CTNNA3: variants seen among roughly 807,000 people sequenced by gnomAD.
The protein encoded by CTNNA3 is catenin alpha-3.
A neutral mutation model predicts 95.7 loss-of-function variants in CTNNA3; 76 were observed. That is an observed-to-expected ratio of 0.79 (90% confidence interval 0.66 to 0.96). The LOEUF (loss-of-function observed/expected upper bound fraction) is 0.96. CTNNA3 is among the 40% of genes least tolerant of loss of function. The pLI is 0.00. For synonymous variants in CTNNA3, 431 were observed against 374.4 expected, an observed-to-expected ratio of 1.15 and a Z score of -1.74; for missense variants, 1,191 against 1,089.8, an observed-to-expected ratio of 1.09 and a Z score of -1.31.
intron 9 of CTNNA3, among the ~76,000 whole-genome samples, chr10:66,705,501 T>C (rs754420839): frequency 5.3e-5 from 8 of 152,042 alleles, no homozygotes; most frequent in Non-Finnish European, 1.0e-4. Context: ...TCAAATTTTC[T>C]TTGTGGGAAG....
intron 7 of CTNNA3, chr10:66,926,146 G>A: frequency 2.2e-6 from 1 of 460,384 alleles, no homozygotes; most frequent in Non-Finnish European, 4.4e-6. Flanking sequence ...GGCTGAACTG[G>A]GTGCTCATCA....
In CTNNA3 at chr10:66,336,037, G is replaced by A. The variant is rs745570041; in HGVS notation, c.1732+43115C>T. ...TTGTAGGACCCTCCAAGACAGGTGC[G>A]GGATATAATCTCCTGGTGTGCTATT... On this transcript the variant is annotated intron_variant, in intron 12 of 17. Coordinates refer to ENST00000433211, the MANE Select transcript of CTNNA3 (RefSeq NM_013266.4). Among the ~76,000 whole-genome samples the A allele has an allele frequency of 4.0e-5, 6 of 151,366 alleles. 1 individual carries two copies. Among genetic ancestry groups the A allele is most frequent in the East Asian group, 2.0e-4 (1 of 5,126 alleles).
chr10:66,445,795 C>T (rs1014624911), intron 11 of CTNNA3, among the ~76,000 whole-genome samples: 1 of 151,904 alleles, frequency 6.6e-6, no homozygotes, highest in Non-Finnish European at 1.5e-5. Context: ...CATTCAAAAG[C>T]TAGCAGAAGG....
chr10:66,904,294 T>C (rs1359048274), intron 7 of CTNNA3, among the ~76,000 whole-genome samples: 2 of 152,292 alleles, frequency 1.3e-5, no homozygotes, highest in East Asian at 3.9e-4. Context: ...TTAATGGTGC[T>C]GGGAAAACTG....
chr10:67,180,475 G>C lies in CTNNA3; in HGVS notation c.889C>G (p.Arg297Gly). ...TCAAGGCGTTTCTCTAGTGATGGTC[G>C]TATTTCCTCCTCAGTTACTGTGAGT... Reference protein sequence around the residue: ...NPLTVTEEEIRPSLEKRLEAI... With the variant: ...NPLTVTEEEIGPSLEKRLEAI... The change falls in exon 7 of 18, where the codon CGA becomes GGA. Residue 297 changes from arginine to glycine, a missense_variant. Arg to Gly is a moderately radical substitution (Grantham distance 125, BLOSUM62 -2). Transcript: ENST00000433211. 6.2e-7 allele frequency: 1 copy of C among 1,613,796 alleles called. No individual in the cohort carries two copies. Among genetic ancestry groups the C allele is most frequent in the Non-Finnish European group, 8.5e-7 (1 of 1,179,820 alleles).
At chr10:66,298,929 C>G (rs947115874) in intron 12 of CTNNA3, among the ~76,000 whole-genome samples, 1 of 152,162 alleles carries the variant, frequency 6.6e-6, no homozygotes, top group African/African-American at 2.4e-5. Context: ...TTGGGAACTG[C>G]TTAGGGCCAA....
chr10:66,926,153 ATC>A (rs1379882372), intron 7 of CTNNA3: 35 of 461,146 alleles, frequency 7.6e-5, no homozygotes, highest in African/African-American at 5.2e-4. Flanking sequence ...CTGGGTGCTC[ATC>A]ACGGGAACTG....
chr10:67,579,017 A>G (rs1842273531), intron 3 of CTNNA3, among the ~76,000 whole-genome samples: 1 of 115,486 alleles, frequency 8.7e-6, no homozygotes, highest in East Asian at 6.4e-4. Context: ...ATATATATAT[A>G]TATATATATA....
At chr10:67,179,494 C>CAAAAAAA (rs35292826) in intron 7 of CTNNA3, among the ~76,000 whole-genome samples, 2 of 85,276 alleles carry the variant, frequency 2.3e-5, no homozygotes, top group African/African-American at 3.4e-5. Context: ...GCTAAAACTT[C>CAAAAAAA]AAAAAAAAAA....
intron 14 of CTNNA3, among the ~76,000 whole-genome samples, chr10:66,076,918 T>C (rs889970598): frequency 2.6e-5 from 4 of 151,912 alleles, no homozygotes; most frequent in Admixed American, 6.6e-5. Flanking sequence ...TCTCCAATGT[T>C]TTATTTCTTT....
At chr10:67,763,402 T>C (rs1554881522) in intron 1 of CTNNA3, among the ~76,000 whole-genome samples, 2 of 152,076 alleles carry the variant, frequency 1.3e-5, no homozygotes, top group Non-Finnish European at 2.9e-5. Context: ...TTTCGAGAAA[T>C]GGTATGGAAG....
chr10:66,272,730 C>T (rs1437621181), intron 13 of CTNNA3, among the ~76,000 whole-genome samples: 1 of 152,152 alleles, frequency 6.6e-6, no homozygotes, highest in East Asian at 1.9e-4. Context: ...ATTTTAAACT[C>T]ACTTAGCATA....
chr10:66,691,534 C>A (rs12241710), intron 9 of CTNNA3, among the ~76,000 whole-genome samples: 27,001 of 152,008 alleles, frequency 0.18, 3,013 homozygotes, highest in East Asian at 0.33. Flanking sequence ...GGGGGCAGGG[C>A]ACAGACAAAC....
At chr10:66,766,947 C>T (rs543973506) in intron 8 of CTNNA3, among the ~76,000 whole-genome samples, 3 of 152,050 alleles carry the variant, frequency 2.0e-5, no homozygotes, top group Non-Finnish European at 4.4e-5. Context: ...TCCAATTTTC[C>T]CCATTTGCAT....
chr10:66,198,397 C>T (rs1386838925), intron 13 of CTNNA3, among the ~76,000 whole-genome samples: 1 of 152,140 alleles, frequency 6.6e-6, no homozygotes, highest in Non-Finnish European at 1.5e-5. Flanking sequence ...TAAGAGGAAT[C>T]TACCTGATTA....
At chr10:66,463,931 T>C (rs2131854886) in intron 11 of CTNNA3, among the ~76,000 whole-genome samples, 1 of 151,850 alleles carries the variant, frequency 6.6e-6, no homozygotes, top group African/African-American at 2.4e-5. Flanking sequence ...GAAACAAGTT[T>C]CAAAGACAGT....
chr10:66,003,871 T>C (rs2078825335), intron 15 of CTNNA3, among the ~76,000 whole-genome samples: 1 of 152,202 alleles, frequency 6.6e-6, no homozygotes, highest in African/African-American at 2.4e-5. Flanking sequence ...ACTGCACACC[T>C]TTTGCACTAC....
chr10:66,580,296 G>A (rs1003724698), intron 10 of CTNNA3, among the ~76,000 whole-genome samples: 3 of 150,808 alleles, frequency 2.0e-5, no homozygotes, highest in Non-Finnish European at 3.0e-5. Context: ...TAATTTTTAT[G>A]GCTACATAAT....
intron 14 of CTNNA3, among the ~76,000 whole-genome samples, chr10:66,072,159 T>G (rs950122590): frequency 6.6e-6 from 1 of 152,208 alleles, no homozygotes; most frequent in Non-Finnish European, 1.5e-5. Flanking sequence ...ATTTGAATTT[T>G]ACATAATTTT....
Sources: gnomAD v4.1 joint callset for allele counts (sites outside exome capture counted in the v4.1 genomes callset) on GRCh38, gnomAD v4.1.1 for gene constraint, MANE v1.5 for transcripts, NCBI Gene and HGNC (gene_info 2026-07-23, HGNC 2026-07-21) for gene names.